Variants in ANO1 observed in about 807,000 individuals in gnomAD.
The protein encoded by ANO1 is anoctamin-1.
A neutral mutation model predicts 124.0 loss-of-function variants in ANO1; 59 were observed. The ratio of observed to expected loss-of-function variants is 0.48; its 90% CI spans 0.39 to 0.59. The LOEUF (loss-of-function observed/expected upper bound fraction) is 0.59, where lower values mean the gene tolerates loss of function less well. ANO1 is among the 20% of genes least tolerant of loss of function. ANO1 has a pLI of 0.00. For missense variants in ANO1, 1,059 were observed against 1,328.0 expected, an observed-to-expected ratio of 0.80 and a Z score of 3.15; for synonymous variants, 529 against 532.0, an observed-to-expected ratio of 0.99 and a Z score of 0.08.
chr11:70,049,484 A>G (rs1555006055), intron 1 of ANO1, among the ~76,000 whole-genome samples: 1 of 152,234 alleles, frequency 6.6e-6, no homozygotes, highest in African/African-American at 2.4e-5. Flanking sequence ...CATAGCTGGC[A>G]TGGAATAAGT....
intron 4 of ANO1, among the ~76,000 whole-genome samples, chr11:70,105,010 A>G (rs893169922): frequency 4.8e-4 from 73 of 152,102 alleles, no homozygotes; most frequent in African/African-American, 1.7e-3. Context: ...CCCCAAGCCC[A>G]GCCCTCTCCT....
At chr11:70,071,419 C>T (rs1857870869) in intron 1 of ANO1, among the ~76,000 whole-genome samples, 1 of 152,102 alleles carries the variant, frequency 6.6e-6, no homozygotes, top group Non-Finnish European at 1.5e-5. Flanking sequence ...AAAATAAAAG[C>T]CATCCAATAT....
intron 1 of ANO1, among the ~76,000 whole-genome samples, chr11:70,082,554 C>T (rs1348209309): frequency 1.3e-5 from 2 of 152,180 alleles, no homozygotes; most frequent in Admixed American, 6.5e-5. Context: ...AGCAAGAATT[C>T]GTCTCAAAAG....
intron 1 of ANO1, among the ~76,000 whole-genome samples, chr11:69,996,336 G>GA (rs1856271532): frequency 1.3e-5 from 2 of 152,148 alleles, no homozygotes; most frequent in South Asian, 4.1e-4. Context: ...TGAGTAAGAA[G>GA]AAAAACAATT....
chr11:69,992,109 G>T (rs1554997607), intron 1 of ANO1, among the ~76,000 whole-genome samples: 1 of 152,212 alleles, frequency 6.6e-6, no homozygotes. Flanking sequence ...GCCATGGCAG[G>T]CCTGGTGAAA....
intron 1 of ANO1, among the ~76,000 whole-genome samples, chr11:70,057,521 A>C (rs1315031871): frequency 6.6e-6 from 1 of 152,184 alleles, no homozygotes; most frequent in East Asian, 1.9e-4. Context: ...AGTCCGAAAA[A>C]GGAGTCAGCA....
intron 2 of ANO1, among the ~76,000 whole-genome samples, chr11:70,088,772 A>G (rs891930469): frequency 6.6e-6 from 1 of 151,996 alleles, no homozygotes; most frequent in Non-Finnish European, 1.5e-5. Context: ...GTCTTCCTGG[A>G]TGGGGTCGGC....
chr11:69,983,560 A>C (rs557920492), upstream of ANO1, among the ~76,000 whole-genome samples: 2 of 152,282 alleles, frequency 1.3e-5, no homozygotes, highest in African/African-American at 4.8e-5. Context: ...GGTTCCCCAG[A>C]AAATAAGCAG....
chr11:70,037,186 G>C (rs1591049663), intron 1 of ANO1, among the ~76,000 whole-genome samples: 1 of 152,062 alleles, frequency 6.6e-6, no homozygotes, highest in Admixed American at 6.5e-5. Context: ...CAGCTTAGGC[G>C]GCCCAGCCTG....
In ANO1 at chr11:70,100,134, C is replaced by A. The variant is rs545851080; in HGVS notation, c.442-2932C>A. Among the ~76,000 whole-genome samples, 4 of 152,272 alleles carry A rather than the reference C, an allele frequency of 2.6e-5. No individual in the cohort carries two copies. The East Asian group carries it at 5.8e-4, about 22-fold the overall frequency. On this transcript the variant is annotated intron_variant, in intron 2 of 25. Transcript: ENST00000355303. ...GCTGTCTCCCTGAAGCAGCTTCAGGCCCCCGCTCCTGGGTCCGTGCTCCTG... is the reference window on the plus strand; with the variant it reads ...GCTGTCTCCCTGAAGCAGCTTCAGGACCCCGCTCCTGGGTCCGTGCTCCTG...
intron 1 of ANO1, among the ~76,000 whole-genome samples, chr11:69,999,713 C>T (rs1239924132): frequency 6.6e-6 from 1 of 152,164 alleles, no homozygotes; most frequent in Non-Finnish European, 1.5e-5. Context: ...TTACTAAGTG[C>T]TCAATAAACA....
chr11:70,069,776 G>A (rs917887623), intron 1 of ANO1, among the ~76,000 whole-genome samples: 1 of 152,062 alleles, frequency 6.6e-6, no homozygotes, highest in Non-Finnish European at 1.5e-5. Flanking sequence ...TGGAGGATCT[G>A]GGCTGTGATG....
chr11:70,068,646 A>G (rs1555008938), intron 1 of ANO1, among the ~76,000 whole-genome samples: 1 of 152,114 alleles, frequency 6.6e-6, no homozygotes, highest in Non-Finnish European at 1.5e-5. Flanking sequence ...GTCCAGCCCA[A>G]GAGAATACAA....
At chr11:70,006,661 TTC>T (rs1856494880) in intron 1 of ANO1, among the ~76,000 whole-genome samples, 6 of 98,198 alleles carry the variant, frequency 6.1e-5, no homozygotes, top group South Asian at 1.1e-3. Context: ...TCTTTCTTCT[TTC>T]TTTTTTTTTT....
intron 1 of ANO1, among the ~76,000 whole-genome samples, chr11:70,022,459 C>T (rs1004798943): frequency 1.3e-5 from 2 of 152,008 alleles, no homozygotes; most frequent in African/African-American, 2.4e-5. Context: ...ATTAGCCGGA[C>T]GTGGTGGCAG....
At chr11:70,033,919 T>A (rs552069379) in intron 1 of ANO1, among the ~76,000 whole-genome samples, 1 of 152,182 alleles carries the variant, frequency 6.6e-6, no homozygotes, top group East Asian at 1.9e-4. Flanking sequence ...ATCTTGACCA[T>A]CTGCTGTCAC....
At chr11:70,113,475 C>T (rs1256672203) in intron 7 of ANO1, among the ~76,000 whole-genome samples, 2 of 113,366 alleles carry the variant, frequency 1.8e-5, no homozygotes, top group Non-Finnish European at 2.0e-5. Context: ...GAGCCCACTC[C>T]TCCATTCTGT....
At chr11:70,091,456 C>T (rs1240944420) in intron 2 of ANO1, among the ~76,000 whole-genome samples, 2 of 152,200 alleles carry the variant, frequency 1.3e-5, no homozygotes, top group African/African-American at 2.4e-5. Flanking sequence ...TGGCCAGTAG[C>T]ACCTCCCTCC....
chr11:70,113,108 C>T (rs111606265), intron 7 of ANO1, among the ~76,000 whole-genome samples: 1,648 of 152,126 alleles, frequency 0.011, 39 homozygotes, highest in African/African-American at 0.038. Context: ...CCTTCTGCTA[C>T]GGTACTCTTC....
Sources: allele counts gnomAD v4.1 joint callset (sites outside exome capture counted in the v4.1 genomes callset), GRCh38; gene constraint gnomAD v4.1.1; transcripts MANE v1.5; gene names NCBI Gene and HGNC (gene_info 2026-07-23, HGNC 2026-07-21).